The following SATB2 variants were observed in gnomAD, a reference collection of about 807,000 sequenced individuals.
The protein encoded by SATB2 is DNA-binding protein SATB2.
Under a neutral mutation model 73.4 loss-of-function variants are expected in SATB2, and 1 was observed. The ratio of observed to expected loss-of-function variants is 0.01; its 90% CI spans 0.00 to 0.06. The LOEUF is 0.06. SATB2 is among the 10% of genes least tolerant of loss of function. The probability of loss-of-function intolerance (pLI) is 1.00; values close to 1 mark genes in which losing one functional copy is unlikely to be tolerated. For missense variants in SATB2, 459 were observed against 945.8 expected, an observed-to-expected ratio of 0.49 and a Z score of 6.75; for synonymous variants, 397 against 367.0, an observed-to-expected ratio of 1.08 and a Z score of -0.93.
chr2:199,458,326 A>T (rs1162639609), upstream of SATB2: 1 of 234,624 alleles, frequency 4.3e-6, no homozygotes, highest in Non-Finnish European at 8.4e-6. Context: ...CGAAGGAGGC[A>T]GAGGGACAGG....
intron 5 of SATB2, among the ~76,000 whole-genome samples, chr2:199,373,233 G>C (rs2105856237): frequency 6.6e-6 from 1 of 152,198 alleles, no homozygotes; most frequent in South Asian, 2.1e-4. Context: ...GGCAATGAGT[G>C]AGTGATATGT....
intron 6 of SATB2, among the ~76,000 whole-genome samples, chr2:199,358,094 T>C (rs769567502): frequency 6.6e-6 from 1 of 152,134 alleles, no homozygotes; most frequent in Non-Finnish European, 1.5e-5. Flanking sequence ...GGGCTACACA[T>C]TAATGGTCAA....
intron 3 of SATB2, 34 bp from the exon 4 acceptor site, chr2:199,381,854 T>C (rs762927097): frequency 3.1e-6 from 5 of 1,611,022 alleles, no homozygotes; most frequent in East Asian, 4.5e-5. Flanking sequence ...TAAACACATA[T>C]CTGCTATTTA....
chr2:199,459,814 G>T (rs1259548107), upstream of SATB2: 3 of 145,258 alleles, frequency 2.1e-5, no homozygotes, highest in Admixed American at 2.1e-4. This position sits in a 1 kb window ranked among gnomAD's most constrained non-coding sequence, Gnocchi z 4.2. Context: ...AGCTGAGTCC[G>T]CCGATCGTGC....
At chr2:199,448,133 A>C (rs1692017941) in intron 2 of SATB2, among the ~76,000 whole-genome samples, 1 of 152,214 alleles carries the variant, frequency 6.6e-6, no homozygotes, top group South Asian at 2.1e-4. Context: ...CCAAAAAATA[A>C]TATTTCAAAA....
chr2:199,376,493 G>A (rs1384341884), intron 5 of SATB2, among the ~76,000 whole-genome samples: 1 of 152,150 alleles, frequency 6.6e-6, no homozygotes, highest in African/African-American at 2.4e-5. Flanking sequence ...GGGGGAAGGG[G>A]TATAGTGGCA....
At chr2:199,315,956 T>C (rs1401132475) in intron 9 of SATB2, among the ~76,000 whole-genome samples, 1 of 152,118 alleles carries the variant, frequency 6.6e-6, no homozygotes, top group Non-Finnish European at 1.5e-5. Context: ...TTCAGGAGAA[T>C]GACTCATAGA....
At chr2:199,469,458 T>C, upstream of SATB2, 1 of 141,672 alleles carries the variant, frequency 7.1e-6, no homozygotes, top group Non-Finnish European at 1.5e-5. Context: ...CGCTCACTAC[T>C]CCTGCACCTC....
intron 3 of SATB2, among the ~76,000 whole-genome samples, chr2:199,382,187 C>T (rs1415177005): frequency 6.6e-6 from 1 of 152,100 alleles, no homozygotes; most frequent in Non-Finnish European, 1.5e-5. Flanking sequence ...AAAAGTAAGC[C>T]TTAAGTAAAT....
intron 10 of SATB2, among the ~76,000 whole-genome samples, chr2:199,276,036 C>G (rs547193106): frequency 5.3e-5 from 8 of 152,322 alleles, no homozygotes; most frequent in African/African-American, 1.9e-4. Context: ...GTTACTGTCT[C>G]TAGACAATTC....
chr2:199,316,816 C>T (rs1687748586), intron 9 of SATB2, among the ~76,000 whole-genome samples: 2 of 152,022 alleles, frequency 1.3e-5, no homozygotes, highest in African/African-American at 2.4e-5. Context: ...TGGGTACATG[C>T]ACCTTAAAAA....
chr2:199,368,459 G>T, intron 6 of SATB2, 146 bp downstream of exon 6: 1 of 643,456 alleles, frequency 1.6e-6, no homozygotes, highest in Non-Finnish European at 2.8e-6. Flanking sequence ...AGCCAACTAG[G>T]ATCTCATGAC....
At chr2:199,383,851 A>T (rs1689850704) in intron 3 of SATB2, among the ~76,000 whole-genome samples, 1 of 152,236 alleles carries the variant, frequency 6.6e-6, no homozygotes, top group Non-Finnish European at 1.5e-5. Flanking sequence ...GATTTCATTT[A>T]TATGAAATAC....
intron 7 of SATB2, among the ~76,000 whole-genome samples, chr2:199,345,032 G>A (rs545398527): frequency 1.8e-4 from 27 of 152,074 alleles, no homozygotes; most frequent in Non-Finnish European, 3.1e-4. Context: ...AACTCTCCAC[G>A]CATGTCCTCT....
chr2:199,321,629 C>T (rs930902905), intron 9 of SATB2, among the ~76,000 whole-genome samples: 1 of 151,668 alleles, frequency 6.6e-6, no homozygotes, highest in Non-Finnish European at 1.5e-5. Flanking sequence ...AATATATATG[C>T]CATGTACCAA....
Position 199,457,162 on chromosome 2 carries a change from T to TTTC in SATB2, c.-60+176_-60+177insGAA, listed in dbSNP as rs2105959327. Among the ~76,000 whole-genome samples, 1 of 150,492 alleles carries TTTC rather than the reference T, an allele frequency of 6.6e-6. No individual in the cohort carries two copies. The highest frequency in any genetic ancestry group is 1.5e-5 in the Non-Finnish European group (1 of 67,554). ...ACAAGGTGGGGGTGGCAGGGGGAGG[T>TTTC]GAAAGGAAGGATGCGAGATGAAGAC... On this transcript the variant is annotated intron_variant, in intron 1 of 10. Transcript: ENST00000417098. The surrounding 1 kb of genome is among the most constrained non-coding windows in gnomAD (Gnocchi z 4.8).
chr2:199,318,833 C>T lies in SATB2; in HGVS notation c.1542+4970G>A, dbSNP rs914482972. ...ATATAAAAAGAATCTTCCACAGAGACCTAGATGTTTTAAATTATTTAGCCT... is the reference window on the plus strand; with the variant it reads ...ATATAAAAAGAATCTTCCACAGAGATCTAGATGTTTTAAATTATTTAGCCT... On this transcript the variant is annotated intron_variant, in intron 9 of 10. Coordinates refer to ENST00000417098, the MANE Select transcript of SATB2 (RefSeq NM_001172509.2). Among the ~76,000 whole-genome samples, 6 of 150,978 alleles carry T rather than the reference C, an allele frequency of 4.0e-5. 1 individual carries two copies. The highest frequency in any genetic ancestry group is 2.0e-4 in the Admixed American group (3 of 15,216).
In SATB2 at chr2:199,271,421, GATTT is replaced by G. The variant is rs1441900619; in HGVS notation, c.*786_*789del. The G allele has an allele frequency of 2.7e-5, 4 of 150,582 alleles. No individual in the cohort carries two copies. In the East Asian group the frequency reaches 5.7e-4, roughly 21 times the overall value. 9.3% of individuals were successfully genotyped at this position (150,582 alleles called of 1,614,324 possible). ...TTTTAAGTGTGCATTGTGTCTTTAA[GATTT>G]ATTTGACTTGTATCATTTTAATGTG... On this transcript the variant is annotated 3_prime_UTR_variant, in exon 11 of 11. Coordinates refer to ENST00000417098, the MANE Select transcript of SATB2 (RefSeq NM_001172509.2).
intron 9 of SATB2, among the ~76,000 whole-genome samples, chr2:199,323,364 G>T (rs186974647): frequency 6.6e-6 from 1 of 152,118 alleles, no homozygotes; most frequent in Non-Finnish European, 1.5e-5. Flanking sequence ...GGGGAAAAGT[G>T]GTTATTATAA....
Sources: gnomAD v4.1 joint callset for allele counts (sites outside exome capture counted in the v4.1 genomes callset) on GRCh38, gnomAD v4.1.1 for gene constraint, Gnocchi (gnomAD v3.1) non-coding constraint, MANE v1.5 for transcripts, NCBI Gene and HGNC (gene_info 2026-07-23, HGNC 2026-07-21) for gene names.